NREP: variants seen among roughly 807,000 people sequenced by gnomAD.
NREP encodes the protein neuronal regeneration-related protein.
NREP carries 5 observed loss-of-function variants against 8.6 expected under a neutral mutation model. The ratio of observed to expected loss-of-function variants is 0.58; its 90% CI spans 0.30 to 1.22. The LOEUF is 1.22. NREP is among the 50% of genes most tolerant of loss of function. The pLI is 0.07. For missense variants in NREP, 86 were observed against 82.5 expected, an observed-to-expected ratio of 1.04 and a Z score of -0.17; for synonymous variants, 27 against 28.0, an observed-to-expected ratio of 0.96 and a Z score of 0.11.
At chr5:111,945,490 A>G (rs529996247) in intron 2 of NREP, among the ~76,000 whole-genome samples, 1 of 125,320 alleles carries the variant, frequency 8.0e-6, no homozygotes, top group South Asian at 2.9e-4. Flanking sequence ...AGAAAGGAAG[A>G]GAAGAAAGGA....
intron 2 of NREP, among the ~76,000 whole-genome samples, chr5:111,913,013 T>C (rs574811189): frequency 6.6e-6 from 1 of 152,294 alleles, no homozygotes; most frequent in South Asian, 2.1e-4. Flanking sequence ...GCTTACAATA[T>C]TGTTTACTTA....
At chr5:111,826,630 C>A (rs1401284474) in intron 2 of NREP, among the ~76,000 whole-genome samples, 6 of 152,214 alleles carry the variant, frequency 3.9e-5, no homozygotes, top group Non-Finnish European at 7.3e-5. Context: ...AGACAAAGAA[C>A]CCACCAGAAG....
At chr5:111,839,529 C>T (rs1752973791) in intron 2 of NREP, among the ~76,000 whole-genome samples, 1 of 152,040 alleles carries the variant, frequency 6.6e-6, no homozygotes, top group Non-Finnish European at 1.5e-5. Flanking sequence ...CCAAAATTCT[C>T]CTGTACAACT....
intron 2 of NREP, among the ~76,000 whole-genome samples, chr5:111,909,568 C>A (rs1016945997): frequency 1.3e-5 from 2 of 152,008 alleles, no homozygotes; most frequent in Non-Finnish European, 2.9e-5. Flanking sequence ...CTTGCTTTCT[C>A]CACATGAAGC....
At chr5:111,910,396 T>C (rs1189719235) in intron 2 of NREP, among the ~76,000 whole-genome samples, 1 of 152,018 alleles carries the variant, frequency 6.6e-6, no homozygotes, top group Non-Finnish European at 1.5e-5. Context: ...AGAGGGTCAA[T>C]GTGTGGCGAC....
At chr5:111,827,220 C>G (rs577400241) in intron 2 of NREP, among the ~76,000 whole-genome samples, 1 of 152,280 alleles carries the variant, frequency 6.6e-6, no homozygotes, top group East Asian at 1.9e-4. Flanking sequence ...TTTGATAAAA[C>G]TTCACTAGTG....
At chr5:111,748,396 C>A (rs565042979) in intron 2 of NREP, among the ~76,000 whole-genome samples, 26 of 152,270 alleles carry the variant, frequency 1.7e-4, no homozygotes, top group African/African-American at 5.1e-4. Context: ...CCGGCCATGA[C>A]TCATTGTATG....
intron 2 of NREP, among the ~76,000 whole-genome samples, chr5:111,794,631 A>G (rs570226098): frequency 2.0e-5 from 3 of 152,332 alleles, no homozygotes; most frequent in African/African-American, 7.2e-5. Flanking sequence ...AGGCAAAACT[A>G]TGGAAACAAT....
At chr5:111,848,735 A>G (rs1753239292) in intron 2 of NREP, among the ~76,000 whole-genome samples, 1 of 151,794 alleles carries the variant, frequency 6.6e-6, no homozygotes, top group African/African-American at 2.4e-5. Context: ...GCATCCAACG[A>G]TATTTCAGTG....
At chr5:111,906,708 T>C (rs540840256) in intron 2 of NREP, among the ~76,000 whole-genome samples, 31 of 152,162 alleles carry the variant, frequency 2.0e-4, no homozygotes, top group Admixed American at 1.9e-3. Context: ...ATTTTAGCTT[T>C]TCTAATAGGT....
chr5:111,754,894 A>C (rs1482192479), intron 2 of NREP, among the ~76,000 whole-genome samples: 1 of 152,238 alleles, frequency 6.6e-6, no homozygotes. Context: ...CCCTCGTTTC[A>C]AAGAAAAAAA....
intron 2 of NREP, among the ~76,000 whole-genome samples, chr5:111,804,783 C>T (rs1752101091): frequency 6.6e-6 from 1 of 151,950 alleles, no homozygotes; most frequent in Non-Finnish European, 1.5e-5. Flanking sequence ...GGGCGGATCA[C>T]GAGGTCAGGA....
At chr5:111,887,098 A>AT (rs1754279085) in intron 2 of NREP, among the ~76,000 whole-genome samples, 1 of 151,894 alleles carries the variant, frequency 6.6e-6, no homozygotes, top group Non-Finnish European at 1.5e-5. Flanking sequence ...TACCTATTAA[A>AT]TTTTTTATAG....
rs1314844006 is a variant in NREP at position 111,740,663 on chromosome 5, A to G, written c.4-5156T>C. ...CAGAGACCAGTCCCCCAAGGTCCTA[A>G]AAAATATGCAAACTAGATTATTGCT... On this transcript the variant is annotated intron_variant, in intron 2 of 3. Coordinates refer to ENST00000257435, the MANE Select transcript of NREP (RefSeq NM_004772.4). 2.0e-5 allele frequency among the ~76,000 whole-genome samples: 3 copies of G among 152,322 alleles called. No homozygotes were observed. In the East Asian group the frequency reaches 5.8e-4, roughly 29 times the overall value.
At chr5:111,743,180 A>G (rs1749789836) in intron 2 of NREP, among the ~76,000 whole-genome samples, 3 of 152,122 alleles carry the variant, frequency 2.0e-5, no homozygotes, top group Non-Finnish European at 4.4e-5. Context: ...AGCCTTTTTA[A>G]AACTTGGTTT....
chr5:111,914,436 TC>T (rs2112567856), intron 2 of NREP, among the ~76,000 whole-genome samples: 1 of 150,686 alleles, frequency 6.6e-6, no homozygotes, highest in African/African-American at 2.4e-5. Flanking sequence ...TTCTTACCTT[TC>T]TCAGCATTCC....
intron 2 of NREP, among the ~76,000 whole-genome samples, chr5:111,797,098 T>C (rs1751889947): frequency 6.6e-6 from 1 of 152,050 alleles, no homozygotes; most frequent in African/African-American, 2.4e-5. Flanking sequence ...GATAGATAGA[T>C]AGATAGATAG....
rs34538408 is a variant in NREP at position 111,770,554 on chromosome 5, C to CTTTTTTT, written c.136-35054_136-35048dup. Among the ~76,000 whole-genome samples, 10 of 73,626 alleles carry CTTTTTTT rather than the reference C, an allele frequency of 1.4e-4. 1 individual carries two copies. Among genetic ancestry groups the CTTTTTTT allele is most frequent in the African/African-American group, 2.5e-4 (5 of 20,170 alleles). 48.3% of individuals were successfully genotyped at this position (73,626 alleles called of 152,430 possible). A position where few individuals can be genotyped will look rare whatever the true frequency, so the allele number is the denominator to read the frequency against. On this transcript the variant is annotated intron_variant, in intron 2 of 3. Transcript: ENST00000395634. Reference sequence around the variant, plus strand: ...TTATTTGGTAAAGAAGAATTATTTCCTTTTTTTTTTTTTTTTTTTTTTTTT... The same window carrying CTTTTTTT: ...TTATTTGGTAAAGAAGAATTATTTCCTTTTTTTTTTTTTTTTTTTTTTTTTTTTTTTT...
intron 2 of NREP, chr5:111,969,418 A>T (rs1385332940): frequency 6.6e-6 from 1 of 152,198 alleles, no homozygotes; most frequent in Non-Finnish European, 1.5e-5. Context: ...CCTGAGTGTG[A>T]CTCTCAATCA....
Sources: gnomAD v4.1 joint callset for allele counts (sites outside exome capture counted in the v4.1 genomes callset) on GRCh38, gnomAD v4.1.1 for gene constraint, MANE v1.5 for transcripts, NCBI Gene and HGNC (gene_info 2026-07-23, HGNC 2026-07-21) for gene names.